CATSPERT: variants seen among roughly 807,000 people sequenced by gnomAD.
CATSPERT encodes cation channel sperm-associated targeting subunit tau.
At chr2:201,580,886 CT>C in the CATSPERT span, among the ~76,000 whole-genome samples, 2 of 152,112 alleles carry the variant, frequency 1.3e-5, no homozygotes. Flanking sequence ...TGGCTAACCT[CT>C]AAAAGACACA....
the CATSPERT span, among the ~76,000 whole-genome samples, chr2:201,496,881 C>T: frequency 6.6e-6 from 1 of 152,116 alleles, no homozygotes; most frequent in Non-Finnish European, 1.5e-5. Context: ...TCCTAGGTGT[C>T]CAAAGTTTTC....
At chr2:201,531,340 T>C in the CATSPERT span, among the ~76,000 whole-genome samples, 17 of 151,940 alleles carry the variant, frequency 1.1e-4, no homozygotes, top group East Asian at 3.3e-3. Flanking sequence ...TAGTGGTGAG[T>C]TCTAAGTAGT....
the CATSPERT span, among the ~76,000 whole-genome samples, chr2:201,561,275 T>G: frequency 2.0e-5 from 3 of 152,208 alleles, no homozygotes; most frequent in Admixed American, 6.5e-5. Context: ...ACAGCATAGA[T>G]GAGTCTTAGA....
At chr2:201,604,671 A>T in the CATSPERT span, 23 of 1,603,902 alleles carry the variant, frequency 1.4e-5, no homozygotes, top group Admixed American at 1.0e-4. Flanking sequence ...CTTCACTATC[A>T]GACTCTTTAA....
the CATSPERT span, among the ~76,000 whole-genome samples, chr2:201,608,779 T>C: frequency 5.4e-3 from 771 of 142,744 alleles, 7 homozygotes; most frequent in Admixed American, 0.012. Flanking sequence ...ATTATGCCAC[T>C]ACACTCCAGC....
At chr2:201,613,066 G>A in the CATSPERT span, among the ~76,000 whole-genome samples, 1 of 152,236 alleles carries the variant, frequency 6.6e-6, no homozygotes, top group East Asian at 1.9e-4. Flanking sequence ...CTCAAACTGG[G>A]TGGAGCCCAC....
the CATSPERT span, among the ~76,000 whole-genome samples, chr2:201,516,196 G>T: frequency 6.6e-5 from 10 of 152,248 alleles, no homozygotes; most frequent in Admixed American, 3.3e-4. Context: ...CACAGAAAAG[G>T]TACAGTAAAA....
the CATSPERT span, among the ~76,000 whole-genome samples, chr2:201,580,599 A>T: frequency 6.6e-6 from 1 of 152,304 alleles, no homozygotes; most frequent in South Asian, 2.1e-4. Context: ...GCAATAATCT[A>T]TGTTCAAGTT....
the CATSPERT span, among the ~76,000 whole-genome samples, chr2:201,517,760 C>T: frequency 6.6e-6 from 1 of 152,194 alleles, no homozygotes; most frequent in Non-Finnish European, 1.5e-5. Context: ...ACAAGTGAGG[C>T]TTGTTGGGCC....
the CATSPERT span, among the ~76,000 whole-genome samples, chr2:201,533,764 T>C: frequency 0.61 from 93,170 of 151,944 alleles, 30,344 homozygotes; most frequent in East Asian, 0.95. Flanking sequence ...TCCCAAGATT[T>C]ATGCCCTTCT....
chr2:201,490,603 G>T, the CATSPERT span, among the ~76,000 whole-genome samples: 1 of 152,336 alleles, frequency 6.6e-6, no homozygotes, highest in African/African-American at 2.4e-5. Flanking sequence ...CCCAGATGGT[G>T]GGTTGGGGGA....
chr2:201,534,296 C>T, the CATSPERT span: 1 of 678,772 alleles, frequency 1.5e-6, no homozygotes, highest in Non-Finnish European at 1.8e-6. Context: ...AACTGCCCAA[C>T]AAGCAAGTCA....
chr2:201,556,434 G>A, the CATSPERT span, among the ~76,000 whole-genome samples: 1 of 151,914 alleles, frequency 6.6e-6, no homozygotes. Context: ...GCGTGAACCC[G>A]GGAGGCGGAG....
chr2:201,502,357 A>C, the CATSPERT span, among the ~76,000 whole-genome samples: 1 of 152,224 alleles, frequency 6.6e-6, no homozygotes, highest in African/African-American at 2.4e-5. Flanking sequence ...GAGGATCACG[A>C]GGTCAGGAGT....
chr2:201,550,983 A>T, the CATSPERT span: 1 of 152,192 alleles, frequency 6.6e-6, no homozygotes, highest in African/African-American at 2.4e-5. Context: ...CAGCTCTACC[A>T]CTAACAGCCA....
the CATSPERT span, among the ~76,000 whole-genome samples, chr2:201,575,895 G>A: frequency 2.6e-5 from 4 of 152,096 alleles, no homozygotes; most frequent in African/African-American, 9.7e-5. Context: ...CCAGTCCCTG[G>A]TGCCAAAAAG....
chr2:201,495,093 G>T, the CATSPERT span, among the ~76,000 whole-genome samples: 2 of 151,818 alleles, frequency 1.3e-5, no homozygotes, highest in South Asian at 4.2e-4. Context: ...TTAGACAATG[G>T]CTAACATCAG....
At chr2:201,607,998 C>CA in the CATSPERT span, among the ~76,000 whole-genome samples, 2 of 152,186 alleles carry the variant, frequency 1.3e-5, no homozygotes, top group African/African-American at 4.8e-5. Flanking sequence ...GGAGCTTTGT[C>CA]ATGTAGCTCT....
At chr2:201,546,709 C>T in the CATSPERT span, among the ~76,000 whole-genome samples, 8,159 of 152,142 alleles carry the variant, frequency 0.054, 262 homozygotes, top group African/African-American at 0.075. Context: ...CTGTGGAAAA[C>T]GGTTTGGAAG....
Sources: gnomAD v4.1 joint callset for allele counts (sites outside exome capture counted in the v4.1 genomes callset) on GRCh38, gnomAD v4.1.1 for gene constraint, MANE v1.5 for transcripts, NCBI Gene and HGNC (gene_info 2026-07-23, HGNC 2026-07-21) for gene names.